The following TOPAZ1 variants were observed in gnomAD, a reference collection of about 807,000 sequenced individuals.
The protein encoded by TOPAZ1 is protein TOPAZ1.
A neutral mutation model predicts 172.2 loss-of-function variants in TOPAZ1; 66 were observed. The ratio of observed to expected loss-of-function variants is 0.38; its 90% CI spans 0.31 to 0.47. The LOEUF (loss-of-function observed/expected upper bound fraction) is 0.47, where lower values mean the gene tolerates loss of function less well. Among genes scored for constraint, TOPAZ1 ranks in the 20% least tolerant of loss-of-function variants. The pLI is 0.99. For synonymous variants in TOPAZ1, 681 were observed against 683.9 expected, an observed-to-expected ratio of 1.00 and a Z score of 0.07; for missense variants, 1,822 against 1,972.4, an observed-to-expected ratio of 0.92 and a Z score of 1.44.
At chr3:44,321,353 T>C (rs1369847057) in intron 17 of TOPAZ1, among the ~76,000 whole-genome samples, 162 bp downstream of exon 17, 2 of 152,240 alleles carry the variant, frequency 1.3e-5, no homozygotes, top group Non-Finnish European at 2.9e-5. Context: ...TTGAATATAC[T>C]TTCCTGATGG....
At chr3:44,317,477 A>G (rs983395021) in intron 16 of TOPAZ1, among the ~76,000 whole-genome samples, 1 of 151,826 alleles carries the variant, frequency 6.6e-6, no homozygotes, top group Non-Finnish European at 1.5e-5. Flanking sequence ...ATCTTTAGAT[A>G]CTCCCCCATT....
chr3:44,254,151 G>A (rs1293804390), intron 2 of TOPAZ1, among the ~76,000 whole-genome samples: 1 of 152,136 alleles, frequency 6.6e-6, no homozygotes, highest in African/African-American at 2.4e-5. Context: ...AAGTTAAGTA[G>A]TTTTGCCACA....
At position 44,256,143 on chromosome 3, in the gene TOPAZ1, C is replaced by T; in HGVS notation, c.2828-8C>T. 6.7e-7 allele frequency: 1 copy of T among 1,495,720 alleles called. No homozygotes were observed. The allele number at this position is 1,495,720 out of a possible 1,614,324, so 92.7% of individuals were successfully genotyped here. On this transcript the variant is annotated splice_polypyrimidine_tract_variant and splice_region_variant and intron_variant, in intron 3 of 19. Transcript: ENST00000309765. ...AAGTTTCTATAGTTGAATATTATTT[C>T]TTTTCAGAAAGTGAAATAAAACGTG...
At chr3:44,312,013 T>TAC (rs1700402229) in intron 16 of TOPAZ1, among the ~76,000 whole-genome samples, 1 of 152,062 alleles carries the variant, frequency 6.6e-6, no homozygotes, top group Non-Finnish European at 1.5e-5. Flanking sequence ...TTTCTAAGAA[T>TAC]TTGTACTGCA....
At chr3:44,283,082 C>G (rs1700040613) in intron 9 of TOPAZ1, among the ~76,000 whole-genome samples, 1 of 151,956 alleles carries the variant, frequency 6.6e-6, no homozygotes, top group Non-Finnish European at 1.5e-5. Context: ...TGCAAAACTC[C>G]CAAAAATATA....
chr3:44,267,200 T>G lies in TOPAZ1; in HGVS notation c.3160+64T>G, dbSNP rs1699839776. ...GGTGATATAGAAACTAGGAGATTTT[T>G]CTACCAAAAACAAAAAACGATTAAA... On this transcript the variant is annotated intron_variant, in intron 6 of 19. Coordinates refer to ENST00000309765, the MANE Select transcript of TOPAZ1 (RefSeq NM_001145030.2). 8 of 1,337,070 alleles carry G rather than the reference T, an allele frequency of 6.0e-6. No homozygotes were observed. In the South Asian group the frequency reaches 1.6e-4, roughly 26 times the overall value. The allele number at this position is 1,337,070 out of a possible 1,614,324, so 82.8% of individuals were successfully genotyped here.
At chr3:44,328,173 G>T in intron 18 of TOPAZ1, 77 bp from the exon 19 acceptor site, 1 of 829,210 alleles carries the variant, frequency 1.2e-6, no homozygotes, top group Middle Eastern at 3.5e-4. Context: ...AGTAATTATC[G>T]CCTGTAGGTA....
intron 16 of TOPAZ1, among the ~76,000 whole-genome samples, chr3:44,312,439 A>T (rs554907819): frequency 1.3e-5 from 2 of 152,216 alleles, no homozygotes; most frequent in African/African-American, 2.4e-5. Context: ...AACTTTTTAC[A>T]TATATTTTTC....
chr3:44,328,911 A>G (rs1023491965), intron 19 of TOPAZ1, among the ~76,000 whole-genome samples: 4 of 152,252 alleles, frequency 2.6e-5, no homozygotes, highest in African/African-American at 9.6e-5. Flanking sequence ...TAGGTACTGT[A>G]CCAGAGTGAC....
intron 12 of TOPAZ1, 52 bp downstream of exon 12, chr3:44,290,938 C>A: frequency 8.5e-7 from 1 of 1,173,574 alleles, no homozygotes; most frequent in Non-Finnish European, 1.2e-6. Flanking sequence ...TTGGTGGGGA[C>A]TTATAAAAGC....
In TOPAZ1 at chr3:44,257,467, A is replaced by AGTG. The variant is rs1185779331; in HGVS notation, c.2955+1189_2955+1190insGTG. Among the ~76,000 whole-genome samples, 595 of 106,042 alleles carry AGTG rather than the reference A, an allele frequency of 5.6e-3. 12 individuals carry two copies. Among genetic ancestry groups the AGTG allele is most frequent in the African/African-American group, 0.019 (537 of 28,886 alleles). 69.6% of individuals were successfully genotyped at this position (106,042 alleles called of 152,430 possible). A position where few individuals can be genotyped will look rare whatever the true frequency, so the allele number is the denominator to read the frequency against. ...GTGTGTATCTATTTTATATATATATATAGTGTGTGTGTGTGTGTGTGTGTG... is the reference window on the plus strand; with the variant it reads ...GTGTGTATCTATTTTATATATATATAGTGTAGTGTGTGTGTGTGTGTGTGTGTG... On this transcript the variant is annotated intron_variant, in intron 4 of 19. Coordinates refer to ENST00000309765, the MANE Select transcript of TOPAZ1 (RefSeq NM_001145030.2).
chr3:44,305,465 G>T (rs951830755), intron 14 of TOPAZ1, 144 bp downstream of exon 14: 1 of 578,020 alleles, frequency 1.7e-6, no homozygotes. Flanking sequence ...GAACTCCTGG[G>T]CTCAAGCACT....
rs767600568 is a variant in TOPAZ1, at chr3:44,242,398, C to T, written c.345C>T (p.His115=). The T allele has an allele frequency of 1.3e-6, 2 of 1,552,286 alleles. No homozygotes were observed. Among genetic ancestry groups the T allele is most frequent in the Non-Finnish European group, 8.7e-7 (1 of 1,147,112 alleles). The change falls in exon 1 of 20, where the codon CAC becomes CAT. Residue 115 remains histidine (H), a splice_region_variant and synonymous_variant. Transcript: ENST00000309765. ...EAELPLQTER[H]TKEKRKVTEA... is the part of the protein sequence containing the mutation. ...AACTCCCCTTGCAAACGGAAAGACA[C>T]AGTAAGAAAGCATCCACGATCACTT...
At chr3:44,300,139 A>G (rs1700253818) in intron 12 of TOPAZ1, among the ~76,000 whole-genome samples, 1 of 151,636 alleles carries the variant, frequency 6.6e-6, no homozygotes, top group Non-Finnish European at 1.5e-5. Context: ...AAATAAAAAA[A>G]AAGAAAATGA....
intron 17 of TOPAZ1, among the ~76,000 whole-genome samples, chr3:44,321,472 T>C (rs911368192): frequency 2.6e-5 from 4 of 152,172 alleles, no homozygotes; most frequent in Admixed American, 6.5e-5. Flanking sequence ...CAGCAAACAA[T>C]ATGTTTAAAT....
intron 8 of TOPAZ1, among the ~76,000 whole-genome samples, chr3:44,278,838 G>A (rs1699992711): frequency 7.0e-6 from 1 of 143,792 alleles, no homozygotes; most frequent in Admixed American, 6.9e-5. Flanking sequence ...ATTTTTTTCA[G>A]CCCCACTCTG....
chr3:44,293,118 G>A (rs1295068387), intron 12 of TOPAZ1, among the ~76,000 whole-genome samples: 1 of 152,128 alleles, frequency 6.6e-6, no homozygotes, highest in African/African-American at 2.4e-5. Context: ...AGAGCACAAT[G>A]CACTACTCAT....
At chr3:44,307,153 G>T (rs1700345614) in intron 15 of TOPAZ1, among the ~76,000 whole-genome samples, 1 of 152,086 alleles carries the variant, frequency 6.6e-6, no homozygotes, top group African/African-American at 2.4e-5. Context: ...CTCCCAAGTA[G>T]CTGGGATTAC....
chr3:44,284,082 G>A (rs941939817), intron 9 of TOPAZ1, among the ~76,000 whole-genome samples: 5 of 151,514 alleles, frequency 3.3e-5, no homozygotes, highest in African/African-American at 7.3e-5. Context: ...CATTTCCACC[G>A]TCTGTCTTGG....
Sources: allele counts gnomAD v4.1 joint callset (sites outside exome capture counted in the v4.1 genomes callset), GRCh38; gene constraint gnomAD v4.1.1; transcripts MANE v1.5; gene names NCBI Gene and HGNC (gene_info 2026-07-23, HGNC 2026-07-21).